MCTP1: variants seen among roughly 807,000 people sequenced by gnomAD.
MCTP1 encodes the protein multiple C2 and transmembrane domain containing 1, also known as multiple C2 and transmembrane domain-containing protein 1.
MCTP1 carries 69 observed loss-of-function variants against 120.6 expected under a neutral mutation model. That is an observed-to-expected ratio of 0.57 (90% CI 0.47 to 0.70). The LOEUF is 0.70. Among genes scored for constraint, MCTP1 ranks in the 30% least tolerant of loss-of-function variants. The pLI is 0.00. For synonymous variants in MCTP1, 529 were observed against 493.1 expected (o/e 1.07, Z -0.96); for missense variants, 1,203 against 1,248.8 (o/e 0.96, Z 0.55).
At chr5:95,136,781 GC>G (rs1346960289) in intron 1 of MCTP1, among the ~76,000 whole-genome samples, 3 of 152,194 alleles carry the variant, frequency 2.0e-5, no homozygotes, top group Admixed American at 1.3e-4. Context: ...AAGAGGCACA[GC>G]CAGAGCACTA....
At chr5:94,752,146 T>TATATATA (rs1768602448) in intron 19 of MCTP1, among the ~76,000 whole-genome samples, 86 of 115,516 alleles carry the variant, frequency 7.4e-4, no homozygotes, top group Non-Finnish European at 1.1e-3. Flanking sequence ...TATATATATA[T>TATATATA]TCAAAATAGC....
intron 10 of MCTP1, among the ~76,000 whole-genome samples, chr5:94,906,416 G>A (rs1485074355): frequency 3.3e-5 from 5 of 152,120 alleles, no homozygotes; most frequent in African/African-American, 1.2e-4. Context: ...AGCCCAGGAG[G>A]TGGAGGTTGC....
rs1554147779 is a variant in MCTP1, at chr5:94,947,603, G to GAGAGAGAC, written c.982-5177_982-5176insGTCTCTCT. On this transcript the variant is annotated intron_variant, in intron 3 of 22. Coordinates refer to ENST00000515393, the MANE Select transcript of MCTP1 (RefSeq NM_024717.7). ...AGAGAGAGAGAGAGAGAGAGAGAGA[G>GAGAGAGAC]AGAGAGAGAGAGAGAGAGAAAGAGA... Among the ~76,000 whole-genome samples the GAGAGAGAC allele has an allele frequency of 7.3e-3, 762 of 104,472 alleles. 32 individuals are homozygous for GAGAGAGAC. Among genetic ancestry groups the GAGAGAGAC allele is most frequent in the South Asian group, 0.016 (54 of 3,400 alleles). 68.5% of individuals were successfully genotyped at this position (104,472 alleles called of 152,430 possible).
intron 1 of MCTP1, among the ~76,000 whole-genome samples, chr5:95,073,333 T>C (rs933995143): frequency 6.6e-6 from 1 of 152,118 alleles, no homozygotes; most frequent in African/African-American, 2.4e-5. Context: ...TGGCTCAACT[T>C]CTCTTTGCTG....
At chr5:94,773,575 C>T (rs1774593385) in intron 19 of MCTP1, among the ~76,000 whole-genome samples, 1 of 152,064 alleles carries the variant, frequency 6.6e-6, no homozygotes, top group Non-Finnish European at 1.5e-5. Flanking sequence ...TGTTCTCATG[C>T]TGTTAATAAA....
intron 21 of MCTP1, chr5:94,708,952 T>C (rs1755732656): frequency 5.8e-6 from 1 of 172,940 alleles, no homozygotes; most frequent in African/African-American, 2.4e-5. Context: ...TTCCTACTTT[T>C]TGGGTTAAGA....
At chr5:94,951,232 A>G (rs916689782) in intron 3 of MCTP1, among the ~76,000 whole-genome samples, 1 of 152,082 alleles carries the variant, frequency 6.6e-6, no homozygotes. Flanking sequence ...TGTGTACTTC[A>G]GTTTTTTGTT....
At chr5:94,839,101 C>T (rs1046405008) in intron 17 of MCTP1, among the ~76,000 whole-genome samples, 1 of 152,148 alleles carries the variant, frequency 6.6e-6, no homozygotes, top group Non-Finnish European at 1.5e-5. Flanking sequence ...ACTGATCAAC[C>T]AGGCCATGTG....
At position 95,035,918 on chromosome 5, in the gene MCTP1, G is replaced by A. The variant is rs528714873; in HGVS notation, c.721-18434C>T. ...TAACAGATTATGCTTGGGTTAACTTGTAGGCTTTTAGTACTCTTGTATTAC... is the reference window on the plus strand; with the variant it reads ...TAACAGATTATGCTTGGGTTAACTTATAGGCTTTTAGTACTCTTGTATTAC... On this transcript the variant is annotated intron_variant, in intron 1 of 22. Coordinates refer to ENST00000515393, the MANE Select transcript of MCTP1 (RefSeq NM_024717.7). 1.2e-4 allele frequency among the ~76,000 whole-genome samples: 19 copies of A among 152,106 alleles called. No homozygotes were observed. The South Asian group carries it at 2.7e-3, about 22-fold the overall frequency.
chr5:95,261,106 C>T (rs903333717), intron 1 of MCTP1, among the ~76,000 whole-genome samples: 7 of 152,096 alleles, frequency 4.6e-5, no homozygotes, highest in Non-Finnish European at 1.0e-4. Context: ...GGAAAATATC[C>T]GAAATTTGTT....
chr5:95,013,288 A>T (rs1836395300), intron 2 of MCTP1, among the ~76,000 whole-genome samples: 1 of 152,154 alleles, frequency 6.6e-6, no homozygotes, highest in Non-Finnish European at 1.5e-5. Context: ...GACATGAAAG[A>T]GCAAGGAGCT....
chr5:95,101,166 C>CT (rs1406894068), intron 1 of MCTP1, among the ~76,000 whole-genome samples: 1 of 151,868 alleles, frequency 6.6e-6, no homozygotes, highest in Non-Finnish European at 1.5e-5. Flanking sequence ...GAGGAAAGTT[C>CT]TTTTTTGCAA....
chr5:95,088,688 T>C (rs1415950886), intron 1 of MCTP1, among the ~76,000 whole-genome samples: 2 of 152,240 alleles, frequency 1.3e-5, no homozygotes, highest in Non-Finnish European at 2.9e-5. Flanking sequence ...ACACCAAACA[T>C]GCATTTTGCA....
rs764790962 is a variant in MCTP1 at position 94,822,058 on chromosome 5, GTTAA to G, written c.2437-22930_2437-22927del. Among the ~76,000 whole-genome samples, 172 of 152,010 alleles carry G rather than the reference GTTAA, an allele frequency of 1.1e-3. 4 individuals are homozygous for G. Among genetic ancestry groups the G allele is most frequent in the Middle Eastern group, 6.8e-3 (2 of 294 alleles). On this transcript the variant is annotated intron_variant, in intron 17 of 22. Transcript: ENST00000515393. ...TTTTTTTTGCATGGTTTTCATATCT[GTTAA>G]TTAATTTATTTATTATACTTTAAGT...
At chr5:95,161,859 C>T (rs944327247) in intron 1 of MCTP1, among the ~76,000 whole-genome samples, 2 of 152,150 alleles carry the variant, frequency 1.3e-5, no homozygotes, top group African/African-American at 4.8e-5. Flanking sequence ...CTCTGCTAAT[C>T]ACTCTACTAT....
At chr5:94,922,997 C>CAAAAAAAAAAAAAAAAAAAAAAAGAGA (rs1812071621) in intron 7 of MCTP1, among the ~76,000 whole-genome samples, 1 of 99,548 alleles carries the variant, frequency 1.0e-5, no homozygotes, top group African/African-American at 4.0e-5. Flanking sequence ...TAAAAAGCTG[C>CAAAAAAAAAAAAAAAAAAAAAAAGAGA]AAAAAAAAAA....
chr5:94,933,622 C>A (rs1224990084), intron 5 of MCTP1, among the ~76,000 whole-genome samples: 1 of 151,758 alleles, frequency 6.6e-6, no homozygotes, highest in South Asian at 2.1e-4. Context: ...GTACAATCTA[C>A]AATTCATGGT....
chr5:95,208,244 C>A (rs1296209968), intron 1 of MCTP1, among the ~76,000 whole-genome samples: 2 of 152,104 alleles, frequency 1.3e-5, no homozygotes, highest in African/African-American at 4.8e-5. Context: ...TGCCTGCAAC[C>A]ATGTCCAGCT....
chr5:94,798,709 CAAAT>C (rs1780575818), intron 18 of MCTP1, among the ~76,000 whole-genome samples: 1 of 152,030 alleles, frequency 6.6e-6, no homozygotes, highest in South Asian at 2.1e-4. Flanking sequence ...TAAGATATAA[CAAAT>C]AAGAAGAATA....
Sources: gnomAD v4.1 joint callset for allele counts (sites outside exome capture counted in the v4.1 genomes callset) on GRCh38, gnomAD v4.1.1 for gene constraint, MANE v1.5 for transcripts, NCBI Gene and HGNC (gene_info 2026-07-23, HGNC 2026-07-21) for gene names.